The following LMO3 variants were observed in gnomAD, a reference collection of about 807,000 sequenced individuals.
The protein encoded by LMO3 is LIM domain only 3, also known as LIM domain only protein 3.
Under a neutral mutation model 15.8 loss-of-function variants are expected in LMO3, and 2 were observed. That is an observed-to-expected ratio of 0.13 (90% CI 0.05 to 0.40). The LOEUF (loss-of-function observed/expected upper bound fraction) is 0.40, where lower values mean the gene tolerates loss of function less well. Ranked by LOEUF, LMO3 falls within the 10% of genes least tolerant of loss-of-function variation. The probability of loss-of-function intolerance (pLI) is 0.99; values close to 1 mark genes in which losing one functional copy is unlikely to be tolerated. For synonymous variants in LMO3, 62 were observed against 63.8 expected, an observed-to-expected ratio of 0.97 and a Z score of 0.13; for missense variants, 86 against 182.2, an observed-to-expected ratio of 0.47 and a Z score of 3.04.
rs1943483257 is a variant in LMO3 at position 16,591,106 on chromosome 12, T to C, written c.206+9549A>G. ...CTTTTCTAGGGGACATTTAGAAATG[T>C]ATACGGGGCATTGTTTGTTGCAACA... On this transcript the variant is annotated intron_variant, in intron 2 of 3. Transcript: ENST00000537304. The surrounding 1 kb of genome is among the most constrained non-coding windows in gnomAD (Gnocchi z 4.1). Among the ~76,000 whole-genome samples the C allele has an allele frequency of 6.6e-6, 1 of 152,094 alleles. No individual in the cohort carries two copies. The highest frequency in any genetic ancestry group is 1.5e-5 in the Non-Finnish European group (1 of 67,988).
chr12:16,593,945 C>T lies in LMO3; in HGVS notation c.206+6710G>A, dbSNP rs888714842. ...TAGAACAGGCAGTATCAAACTCCCT[C>T]GGAGCTAAGAAAAACAGAATTAGAT... On this transcript the variant is annotated intron_variant, in intron 2 of 3. Coordinates refer to ENST00000537304, the MANE Select transcript of LMO3 (RefSeq NM_018640.5). This position sits in a 1 kb window ranked among gnomAD's most constrained non-coding sequence, Gnocchi z 4.2. Among the ~76,000 whole-genome samples, 3 of 151,584 alleles carry T rather than the reference C, an allele frequency of 2.0e-5. No homozygotes were observed. Among genetic ancestry groups the T allele is most frequent in the African/African-American group, 4.8e-5 (2 of 41,314 alleles).
chr12:16,606,110 G>A lies in LMO3; in HGVS notation c.-53C>T. The A allele has an allele frequency of 3.1e-6, 1 of 322,976 alleles. No homozygotes were observed. The highest frequency in any genetic ancestry group is 5.7e-6 in the Non-Finnish European group (1 of 176,326). 20.0% of individuals were successfully genotyped at this position (322,976 alleles called of 1,614,324 possible). A position where few individuals can be genotyped will look rare whatever the true frequency, so the allele number is the denominator to read the frequency against. ...AGGGGGAGGCCGTTCAGTAAGCACA[G>A]TGGCTGCTTTGTAGCGCTTCTCCTT... is the stretch of plus-strand genomic sequence containing the variant. On this transcript the variant is annotated 5_prime_UTR_variant, in exon 1 of 4. Coordinates refer to ENST00000537304, the MANE Select transcript of LMO3 (RefSeq NM_018640.5).
rs1430515358 is a variant in LMO3, at chr12:16,593,277, A to G, written c.206+7378T>C. On this transcript the variant is annotated intron_variant, in intron 2 of 3. Transcript: ENST00000537304. This position sits in a 1 kb window ranked among gnomAD's most constrained non-coding sequence, Gnocchi z 4.2. ...CTCTTTCAATTCCTAAGAGTCTTTT[A>G]TTTTCCCAGTAGCCCAGTTGGAGAG... Among the ~76,000 whole-genome samples, 1 of 151,760 alleles carries G rather than the reference A, an allele frequency of 6.6e-6. No homozygotes were observed. Among genetic ancestry groups the G allele is most frequent in the African/African-American group, 2.4e-5 (1 of 41,386 alleles).
At chr12:16,608,632 C>T (rs895140314), upstream of LMO3, 1 of 152,110 alleles carries the variant, frequency 6.6e-6, no homozygotes, top group African/African-American at 2.4e-5. The surrounding 1 kb of genome is among the most constrained non-coding windows in gnomAD (Gnocchi z 4.1). Flanking sequence ...CCTTTTTCCC[C>T]AATCTTCCTT....
chr12:16,588,194 ATTG>A (rs914992176), intron 2 of LMO3, among the ~76,000 whole-genome samples: 3 of 151,982 alleles, frequency 2.0e-5, no homozygotes, highest in Non-Finnish European at 2.9e-5. Context: ...TCCTTTAAAC[ATTG>A]TTTTCATAAT....
intron 2 of LMO3, among the ~76,000 whole-genome samples, chr12:16,592,964 A>T (rs1943540821): frequency 1.3e-5 from 2 of 151,898 alleles, no homozygotes; most frequent in Admixed American, 6.6e-5. Context: ...AAGTAATGAC[A>T]TCTAAAATTA....
intron 2 of LMO3, 180 bp downstream of exon 2, chr12:16,600,475 C>T: frequency 1.7e-6 from 1 of 600,656 alleles, no homozygotes; most frequent in Middle Eastern, 4.5e-4. Flanking sequence ...GGTTTGTTGG[C>T]TATTCCTTAA....
chr12:16,550,105 G>A lies in LMO3; in HGVS notation c.*1117C>T, dbSNP rs1018836658. The A allele has an allele frequency of 2.0e-5, 3 of 151,888 alleles. No individual in the cohort carries two copies. Among genetic ancestry groups the A allele is most frequent in the African/African-American group, 7.3e-5 (3 of 41,364 alleles). The allele number at this position is 151,888 out of a possible 1,614,324, so 9.4% of individuals were successfully genotyped here. On this transcript the variant is annotated 3_prime_UTR_variant, in exon 4 of 4. Transcript: ENST00000537304. ...TTTCTCTTCTTCTAGAAGATTCTAT[G>A]AGCATTATGTTGCTCCGATCAAAAG...
At chr12:16,590,475 G>A (rs1357153675) in intron 2 of LMO3, among the ~76,000 whole-genome samples, 1 of 151,838 alleles carries the variant, frequency 6.6e-6, no homozygotes, top group Non-Finnish European at 1.5e-5. Context: ...ATAGGGCTTG[G>A]CTTGACTTTA....
At chr12:16,588,344 G>A (rs1226673744) in intron 2 of LMO3, among the ~76,000 whole-genome samples, 2 of 151,926 alleles carry the variant, frequency 1.3e-5, no homozygotes, top group Non-Finnish European at 2.9e-5. Context: ...AATAATGTGA[G>A]TAAAAAAGTT....
chr12:16,551,539 T>A (rs1396980704), intron 3 of LMO3, among the ~76,000 whole-genome samples: 1 of 151,504 alleles, frequency 6.6e-6, no homozygotes, highest in Non-Finnish European at 1.5e-5. Context: ...TGCCTTTGCA[T>A]GCAAAAATTC....
chr12:16,573,235 T>A (rs1268611280), intron 2 of LMO3, among the ~76,000 whole-genome samples: 1 of 151,648 alleles, frequency 6.6e-6, no homozygotes, highest in Non-Finnish European at 1.5e-5. Context: ...TATTTGGGGG[T>A]TTAGAGAGAA....
intron 2 of LMO3, among the ~76,000 whole-genome samples, chr12:16,595,017 C>A (rs1943606715): frequency 6.6e-6 from 1 of 151,382 alleles, no homozygotes; most frequent in South Asian, 2.1e-4. Context: ...TAGCAATTCT[C>A]AAATGTAGGT....
intron 2 of LMO3, among the ~76,000 whole-genome samples, chr12:16,565,348 T>C (rs145742125): frequency 7.2e-4 from 110 of 152,336 alleles, no homozygotes; most frequent in Non-Finnish European, 9.8e-4. Flanking sequence ...ATGCTTCTCA[T>C]CTACTTTCTT....
Position 16,597,170 on chromosome 12 carries a change from A to G in LMO3, c.206+3485T>C, listed in dbSNP as rs1005118297. Among the ~76,000 whole-genome samples, 4 of 151,774 alleles carry G rather than the reference A, an allele frequency of 2.6e-5. No individual in the cohort carries two copies. The East Asian group carries it at 7.7e-4, about 29-fold the overall frequency. The stretch of plus-strand genomic sequence containing the variant: ...AGCTAAATGAATGATATGCCAGTCC[A>G]GTTCTGGAAAGTGAAAAATTCCACT... On this transcript the variant is annotated intron_variant, in intron 2 of 3. Transcript: ENST00000537304. The surrounding 1 kb of genome is among the most constrained non-coding windows in gnomAD (Gnocchi z 5.0).
chr12:16,590,441 G>A (rs1458784496), intron 2 of LMO3, among the ~76,000 whole-genome samples: 2 of 151,930 alleles, frequency 1.3e-5, no homozygotes, highest in East Asian at 3.9e-4. Context: ...TATTTTACAT[G>A]TTTTGTAACT....
rs1031926807 is a variant in LMO3 at position 16,555,310 on chromosome 12, A to C, written c.333-3983T>G. 2.0e-5 allele frequency among the ~76,000 whole-genome samples: 3 copies of C among 152,138 alleles called. No homozygotes were observed. Among genetic ancestry groups the C allele is most frequent in the East Asian group, 1.9e-4 (1 of 5,190 alleles). ...TCCATCAACATCTTCTGACCATGTAAATTTGCTTATTCTGATGTTTCCCAA... is the reference window on the plus strand; with the variant it reads ...TCCATCAACATCTTCTGACCATGTACATTTGCTTATTCTGATGTTTCCCAA... On this transcript the variant is annotated intron_variant, in intron 3 of 3. Transcript: ENST00000537304. The surrounding 1 kb of genome is among the most constrained non-coding windows in gnomAD (Gnocchi z 5.5).
chr12:16,563,291 A>C (rs1215111041), intron 2 of LMO3, among the ~76,000 whole-genome samples: 1 of 152,184 alleles, frequency 6.6e-6, no homozygotes, highest in Non-Finnish European at 1.5e-5. Context: ...ATCATTCTAT[A>C]GCTACATTCG....
rs1397125824 is a variant in LMO3 at position 16,586,834 on chromosome 12, T to A, written c.206+13821A>T. Among the ~76,000 whole-genome samples, 1 of 152,190 alleles carries A rather than the reference T, an allele frequency of 6.6e-6. No individual in the cohort carries two copies. The highest frequency in any genetic ancestry group is 2.4e-5 in the African/African-American group (1 of 41,452). On this transcript the variant is annotated intron_variant, in intron 2 of 3. Coordinates refer to ENST00000537304, the MANE Select transcript of LMO3 (RefSeq NM_018640.5). This position sits in a 1 kb window ranked among gnomAD's most constrained non-coding sequence, Gnocchi z 4.3. ...ACATGTAAGCCATACACAGTTGGCA[T>A]CAAATATTACTGGATGACAGATTTG...
Sources: allele counts gnomAD v4.1 joint callset (sites outside exome capture counted in the v4.1 genomes callset), GRCh38; gene constraint gnomAD v4.1.1; non-coding constraint Gnocchi (gnomAD v3.1); transcripts MANE v1.5; gene names NCBI Gene and HGNC (gene_info 2026-07-23, HGNC 2026-07-21).